The following TBC1D5 variants were observed in gnomAD, a reference collection of about 807,000 sequenced individuals.
The protein encoded by TBC1D5 is TBC1 domain family member 5.
In TBC1D5, 75 loss-of-function variants were observed where a neutral mutation model predicts 100.3. The ratio of observed to expected loss-of-function variants is 0.75; its 90% CI spans 0.62 to 0.91. The LOEUF (loss-of-function observed/expected upper bound fraction) is 0.91, where lower values mean the gene tolerates loss of function less well. Among genes scored for constraint, TBC1D5 ranks in the 40% least tolerant of loss-of-function variants. The pLI, the probability that TBC1D5 is intolerant of heterozygous loss-of-function variation, is 0.00. For synonymous variants in TBC1D5, 323 were observed against 325.6 expected (o/e 0.99, Z 0.09); for missense variants, 910 against 942.4 (o/e 0.97, Z 0.45).
chr3:17,742,300 T>TC (rs1246428385), upstream of TBC1D5, among the ~76,000 whole-genome samples: 1 of 151,914 alleles, frequency 6.6e-6, no homozygotes, highest in Non-Finnish European at 1.5e-5. Flanking sequence ...CCTCAGGCCC[T>TC]CCCGTGAGAA....
chr3:17,702,594 C>T (rs1277774284), intron 1 of TBC1D5, among the ~76,000 whole-genome samples: 3 of 152,018 alleles, frequency 2.0e-5, no homozygotes, highest in Non-Finnish European at 4.4e-5. Context: ...GCAGCATTCC[C>T]CATCAAATGA....
At chr3:17,393,915 C>A (rs1323212868) in intron 8 of TBC1D5, among the ~76,000 whole-genome samples, 1 of 152,114 alleles carries the variant, frequency 6.6e-6, no homozygotes, top group African/African-American at 2.4e-5. Context: ...CAGGCATGGA[C>A]AAAGACTTCA....
At chr3:17,495,387 A>G (rs1349290082) in intron 3 of TBC1D5, among the ~76,000 whole-genome samples, 1 of 152,244 alleles carries the variant, frequency 6.6e-6, no homozygotes, top group African/African-American at 2.4e-5. Flanking sequence ...AGGTAAACAG[A>G]TTATCAAGCT....
chr3:17,577,894 C>T (rs1433928621), intron 2 of TBC1D5, among the ~76,000 whole-genome samples: 1 of 151,746 alleles, frequency 6.6e-6, no homozygotes, highest in East Asian at 1.9e-4. Flanking sequence ...TGTTTTTTCC[C>T]ATTGTTCAAA....
At chr3:17,664,337 T>C (rs935145674) in intron 1 of TBC1D5, among the ~76,000 whole-genome samples, 2 of 152,212 alleles carry the variant, frequency 1.3e-5, no homozygotes, top group African/African-American at 4.8e-5. Flanking sequence ...CCCAAAGTGC[T>C]GGGATTACAG....
At position 17,631,366 on chromosome 3, in the gene TBC1D5, A is replaced by G. The variant is rs185924391; in HGVS notation, c.-100-7453T>C. Among the ~76,000 whole-genome samples the G allele has an allele frequency of 1.0e-3, 154 of 152,342 alleles. 2 individuals carry two copies. In the South Asian group the frequency reaches 0.018, roughly 18 times the overall value. ...AGACATTGATTCCTACGGTTGAAAA[A>G]AAGAAGCCTTCTCTATAACATTAAA... On this transcript the variant is annotated intron_variant, in intron 1 of 21. Transcript: ENST00000253692.
intron 1 of TBC1D5, among the ~76,000 whole-genome samples, chr3:17,703,850 C>T (rs1356974548): frequency 6.6e-5 from 10 of 150,974 alleles, no homozygotes; most frequent in Non-Finnish European, 1.3e-4. Context: ...TTTGACTCTA[C>T]AATATCTCAC....
At chr3:17,496,848 T>C (rs528388569) in intron 3 of TBC1D5, among the ~76,000 whole-genome samples, 1 of 152,264 alleles carries the variant, frequency 6.6e-6, no homozygotes, top group East Asian at 1.9e-4. Context: ...CAACACAGGC[T>C]ATTACATAAT....
intron 16 of TBC1D5, among the ~76,000 whole-genome samples, chr3:17,257,848 T>C (rs948091744): frequency 3.9e-5 from 6 of 152,334 alleles, no homozygotes; most frequent in Admixed American, 2.0e-4. Context: ...GCAGCATTTA[T>C]CATTACTAAC....
At chr3:17,410,131 C>G (rs1295457394) in intron 4 of TBC1D5, among the ~76,000 whole-genome samples, 2 of 152,058 alleles carry the variant, frequency 1.3e-5, no homozygotes, top group Non-Finnish European at 2.9e-5. Flanking sequence ...TAAACTGAAG[C>G]CAATCTTTAA....
At chr3:17,691,765 C>T (rs962087015) in intron 1 of TBC1D5, among the ~76,000 whole-genome samples, 32 of 150,674 alleles carry the variant, frequency 2.1e-4, no homozygotes, top group African/African-American at 6.6e-4. Flanking sequence ...TGCAGTGAGC[C>T]GAGATCGAGC....
chr3:17,358,392 G>T (rs1290007215), intron 13 of TBC1D5, among the ~76,000 whole-genome samples: 1 of 152,012 alleles, frequency 6.6e-6, no homozygotes, highest in East Asian at 1.9e-4. Context: ...CTCCACGTTG[G>T]TCAGGCTGGT....
At chr3:17,428,118 T>G (rs1156498400) in intron 4 of TBC1D5, among the ~76,000 whole-genome samples, 1 of 151,696 alleles carries the variant, frequency 6.6e-6, no homozygotes, top group Non-Finnish European at 1.5e-5. Flanking sequence ...GTAACAGATA[T>G]ACTGGAAAAA....
At chr3:17,322,915 G>A (rs913400576) in intron 13 of TBC1D5, among the ~76,000 whole-genome samples, 2 of 152,206 alleles carry the variant, frequency 1.3e-5, no homozygotes, top group African/African-American at 4.8e-5. Context: ...GTAGAAACCC[G>A]ACAGGTGCCA....
rs147940644 is a variant in TBC1D5 at position 17,671,015 on chromosome 3, T to TA, written c.-100-47103dup. Among the ~76,000 whole-genome samples, 102 of 152,346 alleles carry TA rather than the reference T, an allele frequency of 6.7e-4. 1 individual carries two copies. In the East Asian group the frequency reaches 0.019, roughly 29 times the overall value. Reference sequence around the variant, plus strand: ...ACCAGCACTACCACAAATGATTTATTAGTCTTTCACTCAGCTTTTCAGCTT... The same window carrying TA: ...ACCAGCACTACCACAAATGATTTATTAAGTCTTTCACTCAGCTTTTCAGCTT... On this transcript the variant is annotated intron_variant, in intron 1 of 21. Coordinates refer to ENST00000253692, the Ensembl canonical transcript of TBC1D5.
chr3:17,508,709 C>T, intron 2 of TBC1D5, 104 bp from the exon 3 acceptor site: 1 of 518,274 alleles, frequency 1.9e-6, no homozygotes, highest in Non-Finnish European at 3.4e-6. Context: ...CAGACATTAA[C>T]AAGTTTTTCC....
intron 1 of TBC1D5, among the ~76,000 whole-genome samples, chr3:17,709,027 T>A (rs544844221): frequency 6.6e-6 from 1 of 152,206 alleles, no homozygotes; most frequent in African/African-American, 2.4e-5. Context: ...TTGCCTTTGT[T>A]CTGTTAGGCC....
intron 2 of TBC1D5, among the ~76,000 whole-genome samples, chr3:17,550,036 T>A (rs1441285252): frequency 6.6e-6 from 1 of 151,918 alleles, no homozygotes; most frequent in African/African-American, 2.4e-5. Flanking sequence ...ATACAATTAA[T>A]CCATTTTACT....
intron 13 of TBC1D5, among the ~76,000 whole-genome samples, chr3:17,311,300 AC>A (rs2084005822): frequency 6.6e-6 from 1 of 152,010 alleles, no homozygotes; most frequent in Non-Finnish European, 1.5e-5. Flanking sequence ...CATGCTCATA[AC>A]CACATATATT....
Sources: gnomAD v4.1 joint callset for allele counts (sites outside exome capture counted in the v4.1 genomes callset) on GRCh38, gnomAD v4.1.1 for gene constraint, MANE v1.5 for transcripts, NCBI Gene and HGNC (gene_info 2026-07-23, HGNC 2026-07-21) for gene names.